Variants in DCUN1D4 observed in about 807,000 individuals in gnomAD.
DCUN1D4 encodes the protein defective in cullin neddylation 1 domain containing 4.
In DCUN1D4, 22 loss-of-function variants were observed where a neutral mutation model predicts 47.9. The ratio of observed to expected loss-of-function variants is 0.46; its 90% CI spans 0.33 to 0.66. DCUN1D4 has a LOEUF of 0.66. Ranked by LOEUF, DCUN1D4 falls within the 30% of genes least tolerant of loss-of-function variation. DCUN1D4 has a pLI of 0.02. For synonymous variants in DCUN1D4, 121 were observed against 112.2 expected (o/e 1.08, Z -0.50); for missense variants, 301 against 340.8 (o/e 0.88, Z 0.92).
At chr4:51,878,238 A>G (rs1727991756) in intron 5 of DCUN1D4, among the ~76,000 whole-genome samples, 1 of 152,178 alleles carries the variant, frequency 6.6e-6, no homozygotes, top group East Asian at 1.9e-4. Context: ...AAGTGTTTCT[A>G]TTTGGAAAGA....
intron 8 of DCUN1D4, chr4:51,905,400 G>A (rs952144650): frequency 1.0e-4 from 25 of 245,104 alleles, no homozygotes; most frequent in Non-Finnish European, 1.7e-4. Flanking sequence ...AGAAGAAGAC[G>A]GTGGAATATA....
intron 3 of DCUN1D4, chr4:51,865,258 T>A: frequency 4.4e-6 from 1 of 229,108 alleles, no homozygotes; most frequent in African/African-American, 2.3e-5. Context: ...CTCCTACATC[T>A]ATAAAGTGTT....
upstream of DCUN1D4, chr4:51,843,001 G>C: frequency 7.7e-7 from 1 of 1,295,836 alleles, no homozygotes; most frequent in South Asian, 1.8e-5. Flanking sequence ...GTATTGGCCA[G>C]TGGGGGGCGG....
intron 3 of DCUN1D4, among the ~76,000 whole-genome samples, chr4:51,866,049 G>C (rs140111430): frequency 6.6e-6 from 1 of 152,266 alleles, no homozygotes; most frequent in Non-Finnish European, 1.5e-5. Context: ...TCAGCACTTA[G>C]ATCAGGCACT....
At chr4:51,867,922 C>T (rs1468018458) in intron 3 of DCUN1D4, among the ~76,000 whole-genome samples, 4 of 152,242 alleles carry the variant, frequency 2.6e-5, no homozygotes, top group South Asian at 2.1e-4. Flanking sequence ...CCAAGGGGCA[C>T]CTGCAGGTCT....
At chr4:51,901,447 C>T (rs980210805) in intron 8 of DCUN1D4, among the ~76,000 whole-genome samples, 11 of 152,234 alleles carry the variant, frequency 7.2e-5, no homozygotes, top group African/African-American at 2.7e-4. Flanking sequence ...CTTCCCCACT[C>T]AACGCCTGCA....
chr4:51,863,656 C>A lies in DCUN1D4; in HGVS notation c.97-14C>A, dbSNP rs577411590. 2.4e-5 allele frequency: 38 copies of A among 1,612,894 alleles called. No individual in the cohort carries two copies. Among genetic ancestry groups the A allele is most frequent in the Middle Eastern group, 3.3e-4 (2 of 6,054 alleles). Reference sequence around the variant, plus strand: ...TATGTGATTTCTTCGTAATAACGAACATATTTCTTTCAGAACCTAACAGAA... The same window carrying A: ...TATGTGATTTCTTCGTAATAACGAAAATATTTCTTTCAGAACCTAACAGAA... On this transcript the variant is annotated splice_polypyrimidine_tract_variant and intron_variant, in intron 2 of 10. Transcript: ENST00000334635.
intron 8 of DCUN1D4, among the ~76,000 whole-genome samples, chr4:51,909,641 A>G (rs1207809066): frequency 1.3e-5 from 2 of 152,214 alleles, no homozygotes; most frequent in Non-Finnish European, 2.9e-5. Flanking sequence ...GCCAAGGGAC[A>G]GGCAGAGAAC....
intron 4 of DCUN1D4, among the ~76,000 whole-genome samples, chr4:51,876,208 A>G (rs2109987914): frequency 6.6e-6 from 1 of 152,192 alleles, no homozygotes; most frequent in East Asian, 1.9e-4. Flanking sequence ...AAAATGTGGC[A>G]CATATACACC....
intron 3 of DCUN1D4, among the ~76,000 whole-genome samples, chr4:51,865,997 G>A (rs1479584195): frequency 5.3e-5 from 8 of 152,122 alleles, no homozygotes; most frequent in Admixed American, 5.2e-4. Context: ...CAGAGGGGTT[G>A]GGCTTTCTGC....
chr4:51,843,707 G>A, intron 1 of DCUN1D4: 1 of 1,232,876 alleles, frequency 8.1e-7, no homozygotes, highest in Non-Finnish European at 1.0e-6. Flanking sequence ...ATTTCCAAAG[G>A]GCTGAGTGGT....
At chr4:51,844,487 G>A (rs1722178587) in intron 1 of DCUN1D4, 3 of 863,258 alleles carry the variant, frequency 3.5e-6, no homozygotes, top group African/African-American at 1.8e-5. Flanking sequence ...AGCCGGAGGG[G>A]TCGGGCCCTG....
At chr4:51,912,287 C>A (rs1031660773) in intron 9 of DCUN1D4, among the ~76,000 whole-genome samples, 1 of 152,140 alleles carries the variant, frequency 6.6e-6, no homozygotes, top group African/African-American at 2.4e-5. Context: ...AGCTGGAAGA[C>A]CTGGCCTGGA....
intron 1 of DCUN1D4, among the ~76,000 whole-genome samples, chr4:51,862,335 A>G (rs1465452253): frequency 6.6e-6 from 1 of 152,244 alleles, no homozygotes; most frequent in Non-Finnish European, 1.5e-5. Flanking sequence ...AGAGAAAGTA[A>G]AGCTTTCTAA....
At chr4:51,904,656 C>T (rs2110116066) in intron 8 of DCUN1D4, among the ~76,000 whole-genome samples, 1 of 152,268 alleles carries the variant, frequency 6.6e-6, no homozygotes, top group African/African-American at 2.4e-5. Flanking sequence ...TTGGGGATCA[C>T]AGTCCTGTGT....
chr4:51,913,907 A>G lies in DCUN1D4; in HGVS notation c.*323A>G. 2 of 236,310 alleles carry G rather than the reference A, an allele frequency of 8.5e-6. No homozygotes were observed. Among genetic ancestry groups the G allele is most frequent in the Non-Finnish European group, 8.1e-6 (1 of 123,798 alleles). 14.6% of individuals were successfully genotyped at this position (236,310 alleles called of 1,614,324 possible). ...GTTCACCTAGAGATTATTTCTGAAA[A>G]ATGTATTGTAAAAATAATTTTGTGG... On this transcript the variant is annotated 3_prime_UTR_variant, in exon 11 of 11. Coordinates refer to ENST00000334635, the MANE Select transcript of DCUN1D4 (RefSeq NM_001040402.3).
chr4:51,916,603 T>TA lies in DCUN1D4; in HGVS notation c.*3021dup, dbSNP rs1246339061. On this transcript the variant is annotated 3_prime_UTR_variant, in exon 11 of 11. Coordinates refer to ENST00000334635, the MANE Select transcript of DCUN1D4 (RefSeq NM_001040402.3). ...AACGTGGGTTGCTTTTTTCATAAAA[T>TA]AATTTCTATTGGGGGTTACTGTTCA... is the stretch of plus-strand genomic sequence containing the variant. 1 of 152,584 alleles carries TA rather than the reference T, an allele frequency of 6.6e-6. No homozygotes were observed. The highest frequency in any genetic ancestry group is 6.6e-5 in the Admixed American group (1 of 15,254). The allele number at this position is 152,584 out of a possible 1,614,324, so 9.5% of individuals were successfully genotyped here. A position where few individuals can be genotyped will look rare whatever the true frequency, so the allele number is the denominator to read the frequency against.
At chr4:51,848,370 C>T (rs1722877447) in intron 1 of DCUN1D4, 1 of 1,245,074 alleles carries the variant, frequency 8.0e-7, no homozygotes, top group Non-Finnish European at 1.0e-6. Flanking sequence ...ATTAACAGGT[C>T]TGATGTTAAG....
At chr4:51,901,443 C>A (rs941459752) in intron 8 of DCUN1D4, among the ~76,000 whole-genome samples, 2 of 152,236 alleles carry the variant, frequency 1.3e-5, no homozygotes, top group Non-Finnish European at 2.9e-5. Flanking sequence ...CAAGCTTCCC[C>A]ACTCAACGCC....
Sources: allele counts gnomAD v4.1 joint callset (sites outside exome capture counted in the v4.1 genomes callset), GRCh38; gene constraint gnomAD v4.1.1; transcripts MANE v1.5; gene names NCBI Gene and HGNC (gene_info 2026-07-23, HGNC 2026-07-21).